The following C2CD3 variants were observed in gnomAD, a reference collection of about 807,000 sequenced individuals.
The protein encoded by C2CD3 is C2 domain-containing protein 3.
Under a neutral mutation model 234.0 loss-of-function variants are expected in C2CD3, and 148 were observed. The observed-to-expected ratio is 0.63, with a 90% confidence interval of 0.55 to 0.72. The LOEUF (loss-of-function observed/expected upper bound fraction) is 0.72, where lower values mean the gene tolerates loss of function less well. Among genes scored for constraint, C2CD3 ranks in the 30% least tolerant of loss-of-function variants. The probability of loss-of-function intolerance (pLI) is 0.00; values close to 1 mark genes in which losing one functional copy is unlikely to be tolerated. For missense variants in C2CD3, 2,577 were observed against 2,811.5 expected (o/e 0.92, Z 1.89); for synonymous variants, 1,000 against 1,035.4 (o/e 0.97, Z 0.66).
At chr11:74,072,454 A>G (rs1954842631) in intron 24 of C2CD3, among the ~76,000 whole-genome samples, 1 of 152,232 alleles carries the variant, frequency 6.6e-6, no homozygotes, top group South Asian at 2.1e-4. Context: ...CAGGAGCCAA[A>G]CAGAGAGGTC....
Position 74,074,366 on chromosome 11 carries a change from G to C in C2CD3, c.4838C>G (p.Pro1613Arg), listed in dbSNP as rs754212295. The C allele has an allele frequency of 6.2e-7, 1 of 1,614,240 alleles. No homozygotes were observed. Among genetic ancestry groups the C allele is most frequent in the Middle Eastern group, 1.6e-4 (1 of 6,062 alleles). The stretch of plus-strand genomic sequence containing the variant: ...GACTTCAGCTGTGGTGCTGCTGCAG[G>C]GGACCTGGGTGGAGGCAGGAGACTT... ...HQKSPASTQVPCSSTTAEVRL... is the reference protein window; with the variant it reads ...HQKSPASTQVRCSSTTAEVRL... Residue 1613 changes from proline (P) to arginine (R), a missense_variant, in exon 24 of 33, where the codon CCC (proline) becomes CGC (arginine). Transcript: ENST00000334126.
At chr11:74,064,707 C>T (rs1954422599) in intron 24 of C2CD3, among the ~76,000 whole-genome samples, 1 of 152,320 alleles carries the variant, frequency 6.6e-6, no homozygotes, top group Middle Eastern at 3.4e-3. Context: ...CAGCATGGTA[C>T]TGGTACCAAA....
chr11:74,055,134 C>T (rs776210786), intron 25 of C2CD3, among the ~76,000 whole-genome samples: 1 of 152,172 alleles, frequency 6.6e-6, no homozygotes, highest in Non-Finnish European at 1.5e-5. Context: ...GCACAAAAGC[C>T]TATAACATGG....
At position 74,118,251 on chromosome 11, in the gene C2CD3, C is replaced by G; in HGVS notation, c.1497G>C (p.Lys499Asn). 1 of 1,613,716 alleles carries G rather than the reference C, an allele frequency of 6.2e-7. No homozygotes were observed. The highest frequency in any genetic ancestry group is 1.3e-5 in the African/African-American group (1 of 74,996). The change falls in exon 9 of 33, where the codon AAG becomes AAC. Residue 499 changes from lysine (K) to asparagine (N), a missense_variant. Coordinates refer to ENST00000334126, the MANE Select transcript of C2CD3 (RefSeq NM_001286577.2). Reference sequence around the variant, plus strand: ...ACCTATTTCTCTTGCCTGCTGACCTCTTCTTCAGCTTATGATCACTTGACT... The same window carrying G: ...ACCTATTTCTCTTGCCTGCTGACCTGTTCTTCAGCTTATGATCACTTGACT... ...VLESSDHKLKKRSAGKRNRNL... is the reference protein window; with the variant it reads ...VLESSDHKLKNRSAGKRNRNL...
At chr11:74,051,245 T>C (rs1272604791) in intron 26 of C2CD3, among the ~76,000 whole-genome samples, 1 of 145,926 alleles carries the variant, frequency 6.9e-6, no homozygotes, top group Non-Finnish European at 1.5e-5. Flanking sequence ...GCAGTGAGCA[T>C]AATCCTACCA....
At chr11:74,036,781 G>A (rs1952767037) in intron 30 of C2CD3, among the ~76,000 whole-genome samples, 1 of 152,176 alleles carries the variant, frequency 6.6e-6, no homozygotes, top group Admixed American at 6.5e-5. Context: ...TGCTCAGGCA[G>A]GTTTGCCAAT....
chr11:74,125,480 T>TA, intron 7 of C2CD3, among the ~76,000 whole-genome samples: 1 of 152,288 alleles, frequency 6.6e-6, no homozygotes, highest in East Asian at 1.9e-4. Context: ...AGTGACACAT[T>TA]AATATACTGT....
chr11:74,049,593 C>T lies in C2CD3; in HGVS notation c.5156-51G>A, dbSNP rs761585820. The T allele has an allele frequency of 1.6e-5, 23 of 1,451,220 alleles. No individual in the cohort carries two copies. In the Admixed American group the frequency reaches 4.0e-4, roughly 25 times the overall value. 89.9% of individuals were successfully genotyped at this position (1,451,220 alleles called of 1,614,324 possible). On this transcript the variant is annotated intron_variant, in intron 26 of 32. Coordinates refer to ENST00000334126, the MANE Select transcript of C2CD3 (RefSeq NM_001286577.2). ...CAATGTGGCTAGGCATGTCCTGCCA[C>T]TGAGATTAGAGGGTGCACACAGAGA...
At chr11:74,124,876 A>G (rs1957355433) in intron 7 of C2CD3, among the ~76,000 whole-genome samples, 1 of 151,854 alleles carries the variant, frequency 6.6e-6, no homozygotes, top group African/African-American at 2.4e-5. Context: ...TCCACTTTTT[A>G]CTCTTTTTTG....
rs1395341934 is a variant in C2CD3, at chr11:74,019,680, TAG to T, written c.6922-6157_6922-6156del. ...GGTTTGTGGAAAGGAAACCAAAGGA[TAG>T]ATTTTTTTTTTTCAGACACAGTTTC... On this transcript the variant is annotated intron_variant, in intron 32 of 32. Transcript: ENST00000334126. Among the ~76,000 whole-genome samples, 5 of 149,118 alleles carry T rather than the reference TAG, an allele frequency of 3.4e-5. No individual in the cohort carries two copies. The East Asian group carries it at 9.6e-4, about 29-fold the overall frequency.
chr11:74,147,567 C>T (rs1855301577), intron 3 of C2CD3, among the ~76,000 whole-genome samples: 1 of 152,170 alleles, frequency 6.6e-6, no homozygotes, highest in East Asian at 1.9e-4. Context: ...AAAGAAGTCT[C>T]CTGGTTTATG....
chr11:74,157,858 G>C (rs1856143693), intron 3 of C2CD3, among the ~76,000 whole-genome samples: 1 of 152,068 alleles, frequency 6.6e-6, no homozygotes, highest in African/African-American at 2.4e-5. Context: ...ATTACACAGG[G>C]TTCTGGAAAA....
At chr11:74,034,622 C>T (rs1272283182) in intron 30 of C2CD3, 1 of 1,605,910 alleles carries the variant, frequency 6.2e-7, no homozygotes, top group East Asian at 2.2e-5. Context: ...TATTAAAAAT[C>T]AAAATGAGAA....
At chr11:74,138,388 G>A (rs988170466) in intron 5 of C2CD3, among the ~76,000 whole-genome samples, 9 of 152,140 alleles carry the variant, frequency 5.9e-5, no homozygotes, top group South Asian at 2.1e-4. Flanking sequence ...TGCTGATCAC[G>A]AGACAAAAAC....
intron 32 of C2CD3, among the ~76,000 whole-genome samples, chr11:74,023,534 A>T (rs1340889896): frequency 2.6e-5 from 4 of 152,072 alleles, no homozygotes; most frequent in Non-Finnish European, 5.9e-5. Context: ...CCAATCTCTA[A>T]TCCTGTCTGC....
rs1956865418 is a variant in C2CD3 at position 74,114,616 on chromosome 11, G to T, written c.1521-23C>A. On this transcript the variant is annotated intron_variant, in intron 9 of 32. Transcript: ENST00000334126. ...TTTCTGAAAGGAGTTCACACAAGCA[G>T]TGAGGCATACTGCTACAGGCTTCAC... 2.7e-6 allele frequency: 4 copies of T among 1,482,276 alleles called. No homozygotes were observed. In the South Asian group the frequency reaches 4.5e-5, roughly 17 times the overall value. The allele number at this position is 1,482,276 out of a possible 1,614,324, so 91.8% of individuals were successfully genotyped here. A position where few individuals can be genotyped will look rare whatever the true frequency, so the allele number is the denominator to read the frequency against.
intron 24 of C2CD3, among the ~76,000 whole-genome samples, chr11:74,071,920 G>A (rs826039): frequency 0.55 from 83,617 of 151,894 alleles, 23,460 homozygotes; most frequent in African/African-American, 0.68. Flanking sequence ...TTGAAAATTT[G>A]TAAGTATATT....
At chr11:74,051,441 G>GT (rs1357868939) in intron 26 of C2CD3, among the ~76,000 whole-genome samples, 2 of 152,168 alleles carry the variant, frequency 1.3e-5, no homozygotes, top group African/African-American at 4.8e-5. Flanking sequence ...TAAAATGAAG[G>GT]TAGTACGTCC....
At chr11:74,097,966 G>T (rs751661129) in intron 16 of C2CD3, 43 bp downstream of exon 16, 7 of 1,581,922 alleles carry the variant, frequency 4.4e-6, no homozygotes, top group South Asian at 1.2e-5. Flanking sequence ...ATATGCAAGA[G>T]AAAATGAAAT....
Sources: allele counts gnomAD v4.1 joint callset (sites outside exome capture counted in the v4.1 genomes callset), GRCh38; gene constraint gnomAD v4.1.1; transcripts MANE v1.5; gene names NCBI Gene and HGNC (gene_info 2026-07-23, HGNC 2026-07-21).